The following CUL4A variants were observed in gnomAD, a reference collection of about 807,000 sequenced individuals.
The protein encoded by CUL4A is cullin-4A.
In CUL4A, 16 loss-of-function variants were observed where a neutral mutation model predicts 95.5. That is an observed-to-expected ratio of 0.17 (90% CI 0.11 to 0.25). The LOEUF is 0.25. Ranked by LOEUF, CUL4A falls within the 10% of genes least tolerant of loss-of-function variation. CUL4A has a pLI of 1.00. For synonymous variants in CUL4A, 380 were observed against 353.1 expected, an observed-to-expected ratio of 1.08 and a Z score of -0.85; for missense variants, 610 against 937.0, an observed-to-expected ratio of 0.65 and a Z score of 4.56.
In CUL4A at chr13:113,250,760, G is replaced by A. The variant is rs111590937; in HGVS notation, c.1639-2322G>A. Reference sequence around the variant, plus strand: ...TGACTTTTATTTAGGTATGGTAATGGCATAGTAGATACATTTCCTAAAAGA... The same window carrying A: ...TGACTTTTATTTAGGTATGGTAATGACATAGTAGATACATTTCCTAAAAGA... On this transcript the variant is annotated intron_variant, in intron 15 of 19. Coordinates refer to ENST00000375440, the MANE Select transcript of CUL4A (RefSeq NM_001008895.4). 7.3e-3 allele frequency among the ~76,000 whole-genome samples: 1,114 copies of A among 152,224 alleles called. 8 individuals are homozygous for A. The highest frequency in any genetic ancestry group is 0.012 in the Non-Finnish European group (805 of 68,008).
chr13:113,242,234 C>A (rs189788751), intron 10 of CUL4A, among the ~76,000 whole-genome samples: 1 of 151,650 alleles, frequency 6.6e-6, no homozygotes, highest in East Asian at 2.0e-4. Flanking sequence ...CACTGCACTC[C>A]AGCCTGGTGA....
At chr13:113,260,549 CA>C (rs1292407225) in intron 18 of CUL4A, 57 bp from the exon 19 acceptor site, 1 of 1,506,080 alleles carries the variant, frequency 6.6e-7, no homozygotes, top group Non-Finnish European at 8.9e-7. Flanking sequence ...GACTCCATCG[CA>C]AAAAATAAAA....
chr13:113,246,122 T>TA (rs2139244155), intron 15 of CUL4A, 59 bp downstream of exon 15: 1 of 1,272,976 alleles, frequency 7.9e-7, no homozygotes, highest in East Asian at 2.4e-5. Flanking sequence ...CAGGCACAGA[T>TA]ATGTTGCCTT....
At chr13:113,225,410 A>G (rs2041064107) in intron 3 of CUL4A, among the ~76,000 whole-genome samples, 1 of 152,252 alleles carries the variant, frequency 6.6e-6, no homozygotes, top group Non-Finnish European at 1.5e-5. Context: ...TCTGTGGGAA[A>G]TAACAAAAAA....
rs545646926 is a variant in CUL4A, at chr13:113,261,662, G to C, written c.2184+903G>C. Reference sequence around the variant, plus strand: ...CGCGAAGCAGAGGTGAGCAAGAGTGGAGTGTGGCAGACCAGGGCACCTGCT... The same window carrying C: ...CGCGAAGCAGAGGTGAGCAAGAGTGCAGTGTGGCAGACCAGGGCACCTGCT... On this transcript the variant is annotated intron_variant, in intron 19 of 19. Transcript: ENST00000375440. Among the ~76,000 whole-genome samples, 4 of 152,358 alleles carry C rather than the reference G, an allele frequency of 2.6e-5. No homozygotes were observed. In the East Asian group the frequency reaches 7.7e-4, roughly 29 times the overall value.
chr13:113,257,111 G>C (rs374695371), intron 18 of CUL4A, among the ~76,000 whole-genome samples: 19 of 151,990 alleles, frequency 1.3e-4, no homozygotes, highest in African/African-American at 4.3e-4. Flanking sequence ...TTTTAGTAGA[G>C]ACGGGGTTTC....
Position 113,233,648 on chromosome 13 carries a change from G to A in CUL4A, c.676-249G>A, listed in dbSNP as rs115016537. Among the ~76,000 whole-genome samples, 800 of 152,262 alleles carry A rather than the reference G, an allele frequency of 5.3e-3. 7 individuals carry two copies. Among genetic ancestry groups the A allele is most frequent in the African/African-American group, 0.017 (726 of 41,552 alleles). ...GATGACACGCTGGGGGAAAATATTA[G>A]CAACACACACAAAAGACAAAGGGCG... On this transcript the variant is annotated intron_variant, in intron 6 of 19. Coordinates refer to ENST00000375440, the MANE Select transcript of CUL4A (RefSeq NM_001008895.4).
At chr13:113,244,906 C>A in intron 12 of CUL4A, 43 bp from the exon 13 acceptor site, 1 of 1,233,302 alleles carries the variant, frequency 8.1e-7, no homozygotes, top group Non-Finnish European at 1.2e-6. Flanking sequence ...ATTTGCTTAT[C>A]AACTCTCTGA....
chr13:113,241,890 G>A (rs1446022485), intron 10 of CUL4A, among the ~76,000 whole-genome samples: 2 of 152,092 alleles, frequency 1.3e-5, no homozygotes, highest in African/African-American at 4.8e-5. Context: ...ATTCTATTGA[G>A]ACGAATTTTT....
chr13:113,258,249 C>T (rs1054923548), intron 18 of CUL4A, among the ~76,000 whole-genome samples: 4 of 152,162 alleles, frequency 2.6e-5, no homozygotes, highest in African/African-American at 4.8e-5. Flanking sequence ...CCTTGACCCC[C>T]CAAAGTGCTG....
At chr13:113,253,850 C>G (rs1419132281) in intron 16 of CUL4A, among the ~76,000 whole-genome samples, 1 of 152,160 alleles carries the variant, frequency 6.6e-6, no homozygotes, top group Non-Finnish European at 1.5e-5. Flanking sequence ...ATTATATACA[C>G]TAAGCAAAAA....
chr13:113,209,620 G>T lies in CUL4A; in HGVS notation c.-8G>T. The T allele has an allele frequency of 9.5e-7, 1 of 1,055,224 alleles. No individual in the cohort carries two copies. The allele number at this position is 1,055,224 out of a possible 1,614,324, so 65.4% of individuals were successfully genotyped here. On this transcript the variant is annotated 5_prime_UTR_variant, in exon 1 of 20. Transcript: ENST00000375440. The stretch of plus-strand genomic sequence containing the variant: ...CTCGGGGCGGGGCGCGGCGGTTCCG[G>T]CCCAGCCATGGCGGACGAGGCCCCG...
At chr13:113,218,253 C>T (rs1254302177) in intron 2 of CUL4A, among the ~76,000 whole-genome samples, 1 of 151,996 alleles carries the variant, frequency 6.6e-6, no homozygotes. Flanking sequence ...AAAAAGATTT[C>T]TTCTTGTATT....
rs1354866386 is a variant in CUL4A, at chr13:113,266,072, G to C, written c.*2490G>C. The C allele has an allele frequency of 6.6e-6, 1 of 152,234 alleles. No homozygotes were observed. Among genetic ancestry groups the C allele is most frequent in the Non-Finnish European group, 1.5e-5 (1 of 68,044 alleles). 9.4% of individuals were successfully genotyped at this position (152,234 alleles called of 1,614,324 possible). A position where few individuals can be genotyped will look rare whatever the true frequency, so the allele number is the denominator to read the frequency against. ...TAACTGTCACCTGGACTGGAGTGCA[G>C]TGGCATGATCATGTTTCACGGCAGC... On this transcript the variant is annotated 3_prime_UTR_variant, in exon 20 of 20. Transcript: ENST00000375440.
intron 5 of CUL4A, among the ~76,000 whole-genome samples, chr13:113,232,211 C>CGCT (rs1446263359): frequency 1.3e-4 from 1 of 7,446 alleles, no homozygotes; most frequent in African/African-American, 4.2e-4. Flanking sequence ...CGCCCACCAC[C>CGCT]ATTACTGCTG....
upstream of CUL4A, chr13:113,209,014 A>G (rs1567001023): frequency 3.1e-6 from 2 of 638,318 alleles, no homozygotes; most frequent in Non-Finnish European, 3.9e-6. Flanking sequence ...TGGCTGGGCC[A>G]GGGCCTCGGG....
intron 9 of CUL4A, among the ~76,000 whole-genome samples, chr13:113,239,017 C>T (rs953274661): frequency 6.6e-6 from 1 of 152,172 alleles, no homozygotes; most frequent in African/African-American, 2.4e-5. Context: ...TTATAGTTTA[C>T]TATAGGTGTG....
In CUL4A at chr13:113,228,040, C is replaced by G; in HGVS notation, c.433C>G (p.Gln145Glu). The G allele has an allele frequency of 6.2e-7, 1 of 1,611,738 alleles. No homozygotes were observed. Among genetic ancestry groups the G allele is most frequent in the Non-Finnish European group, 8.5e-7 (1 of 1,177,900 alleles). Residue 145 changes from glutamine (Q) to glutamate (E), a missense_variant, in exon 4 of 20, where the codon CAA becomes GAA. Gln to Glu is a conservative substitution (Grantham distance 29, BLOSUM62 2). Around this residue, in one of 10 missense-constraint regions of CUL4A, gnomAD observed 168 missense variants for 185.5 expected, o/e 0.91. Transcript: ENST00000375440. ...INTCWQDHCR[Q>E]MIMIRSIFLF... ...CACGTGCTGGCAGGACCACTGCAGA[C>G]AAATGGTAAGCTTGTTCACTTTTTC...
intron 12 of CUL4A, 102 bp downstream of exon 12, chr13:113,244,616 C>T (rs910932365): frequency 2.5e-6 from 2 of 796,910 alleles, no homozygotes; most frequent in South Asian, 1.6e-5. Context: ...ATCAGTAGAG[C>T]CAGTTTGCAT....
Sources: allele counts gnomAD v4.1 joint callset (sites outside exome capture counted in the v4.1 genomes callset), GRCh38; gene constraint gnomAD v4.1.1; regional missense constraint gnomAD v4.1.1; transcripts MANE v1.5; gene names NCBI Gene and HGNC (gene_info 2026-07-23, HGNC 2026-07-21).